SCHIP1: variants seen among roughly 807,000 people sequenced by gnomAD.
The protein encoded by SCHIP1 is schwannomin-interacting protein 1.
Under a neutral mutation model 29.7 loss-of-function variants are expected in SCHIP1, and 8 were observed. That is an observed-to-expected ratio of 0.27 (90% CI 0.16 to 0.49). The LOEUF (loss-of-function observed/expected upper bound fraction) is 0.49. Ranked by LOEUF, SCHIP1 falls within the 20% of genes least tolerant of loss-of-function variation. The pLI is 0.99. For missense variants in SCHIP1, 193 were observed against 294.6 expected, an observed-to-expected ratio of 0.66 and a Z score of 2.52; for synonymous variants, 76 against 94.9, an observed-to-expected ratio of 0.80 and a Z score of 1.16.
chr3:159,402,164 A>G, the SCHIP1 span, among the ~76,000 whole-genome samples: 1 of 152,252 alleles, frequency 6.6e-6, no homozygotes, highest in Non-Finnish European at 1.5e-5. Context: ...TATGCAGCCA[A>G]AAAACACATA....
At chr3:159,335,949 C>G in the SCHIP1 span, among the ~76,000 whole-genome samples, 10 of 152,316 alleles carry the variant, frequency 6.6e-5, no homozygotes, top group African/African-American at 2.4e-4. Flanking sequence ...AACTAGTTTA[C>G]AGTCCCACCA....
chr3:159,570,661 G>T, the SCHIP1 span, among the ~76,000 whole-genome samples: 2 of 152,130 alleles, frequency 1.3e-5, no homozygotes, highest in South Asian at 4.1e-4. Flanking sequence ...CTTTAAAGTA[G>T]TTTTTTCCAA....
At chr3:159,488,291 C>T in the SCHIP1 span, among the ~76,000 whole-genome samples, 4 of 151,526 alleles carry the variant, frequency 2.6e-5, no homozygotes, top group Admixed American at 2.6e-4. Context: ...TGACTACAGT[C>T]AATAATTTAT....
chr3:159,413,018 C>T, the SCHIP1 span, among the ~76,000 whole-genome samples: 19 of 152,196 alleles, frequency 1.2e-4, 1 homozygote, highest in South Asian at 4.1e-4. Flanking sequence ...ACGATCATGA[C>T]GAAAGGGGAA....
At chr3:159,357,427 CAT>C in the SCHIP1 span, among the ~76,000 whole-genome samples, 1 of 152,152 alleles carries the variant, frequency 6.6e-6, no homozygotes, top group Non-Finnish European at 1.5e-5. Context: ...TGCACACACA[CAT>C]GTACAAATGC....
At chr3:159,798,334 T>G in the SCHIP1 span, among the ~76,000 whole-genome samples, 1 of 152,210 alleles carries the variant, frequency 6.6e-6, no homozygotes, top group Non-Finnish European at 1.5e-5. Context: ...ATGGGAGTAT[T>G]AATACTACTT....
chr3:159,373,771 G>GTA, the SCHIP1 span, among the ~76,000 whole-genome samples: 13 of 151,904 alleles, frequency 8.6e-5, no homozygotes, highest in Non-Finnish European at 1.3e-4. Context: ...AGTACATTGT[G>GTA]TATATATATA....
intron 1 of SCHIP1, 87 bp from the exon 3 acceptor site, chr3:159,866,076 G>C: frequency 8.8e-7 from 1 of 1,137,166 alleles, no homozygotes; most frequent in Non-Finnish European, 1.3e-6. Flanking sequence ...TAATGTTACA[G>C]TTCTAAGAAA....
At chr3:159,824,671 G>A in the SCHIP1 span, among the ~76,000 whole-genome samples, 1 of 152,218 alleles carries the variant, frequency 6.6e-6, no homozygotes, top group Non-Finnish European at 1.5e-5. Context: ...GTTATTTAAT[G>A]TGGGAATCAC....
the SCHIP1 span, among the ~76,000 whole-genome samples, chr3:159,338,991 C>T: frequency 6.6e-6 from 1 of 152,052 alleles, no homozygotes; most frequent in Admixed American, 6.6e-5. Flanking sequence ...GTGCCTCAAG[C>T]AGATGACACA....
the SCHIP1 span, among the ~76,000 whole-genome samples, chr3:159,483,346 A>G: frequency 6.6e-6 from 1 of 152,182 alleles, no homozygotes; most frequent in Non-Finnish European, 1.5e-5. Flanking sequence ...AAACGAGAAC[A>G]ACCTGAAGGA....
At chr3:159,367,783 C>T in the SCHIP1 span, among the ~76,000 whole-genome samples, 1 of 151,852 alleles carries the variant, frequency 6.6e-6, no homozygotes, top group African/African-American at 2.4e-5. Context: ...TAAGACATTA[C>T]TAGATAAAAA....
At chr3:159,782,949 G>A in the SCHIP1 span, among the ~76,000 whole-genome samples, 19 of 152,168 alleles carry the variant, frequency 1.2e-4, no homozygotes, top group African/African-American at 2.4e-4. Context: ...CTTCATCTGC[G>A]GCAGCATGTC....
At chr3:159,619,689 A>C in the SCHIP1 span, among the ~76,000 whole-genome samples, 1 of 152,216 alleles carries the variant, frequency 6.6e-6, no homozygotes, top group Admixed American at 6.5e-5. Flanking sequence ...GGGAAACTGT[A>C]CACTTTTTGT....
At chr3:159,315,762 G>A in the SCHIP1 span, among the ~76,000 whole-genome samples, 1 of 152,046 alleles carries the variant, frequency 6.6e-6, no homozygotes, top group Admixed American at 6.6e-5. Flanking sequence ...CTATTTCTAA[G>A]GGTAGGTTTT....
chr3:159,463,094 T>C, the SCHIP1 span, among the ~76,000 whole-genome samples: 1 of 151,762 alleles, frequency 6.6e-6, no homozygotes, highest in Admixed American at 6.6e-5. Flanking sequence ...GTCTGTAGAA[T>C]ATTGTCAATC....
chr3:159,524,365 A>G, the SCHIP1 span, among the ~76,000 whole-genome samples: 1 of 152,138 alleles, frequency 6.6e-6, no homozygotes, highest in African/African-American at 2.4e-5. Context: ...GCTCACACCT[A>G]ATTTTGATGC....
chr3:159,584,505 A>T, the SCHIP1 span, among the ~76,000 whole-genome samples: 3 of 152,208 alleles, frequency 2.0e-5, no homozygotes, highest in Non-Finnish European at 4.4e-5. Flanking sequence ...TAAGAAGTTT[A>T]ATCAGGAACA....
At chr3:159,775,410 GGTCT>G in the SCHIP1 span, among the ~76,000 whole-genome samples, 2 of 152,174 alleles carry the variant, frequency 1.3e-5, no homozygotes, top group Non-Finnish European at 2.9e-5. Flanking sequence ...GACAGCGGAT[GGTCT>G]GTCTGTGCCT....
Sources: gnomAD v4.1 joint callset for allele counts (sites outside exome capture counted in the v4.1 genomes callset) on GRCh38, gnomAD v4.1.1 for gene constraint, MANE v1.5 for transcripts, NCBI Gene and HGNC (gene_info 2026-07-23, HGNC 2026-07-21) for gene names.